MPRIP: variants seen among roughly 807,000 people sequenced by gnomAD.
MPRIP encodes myosin phosphatase Rho interacting protein, also known as myosin phosphatase Rho-interacting protein.
MPRIP carries 59 observed loss-of-function variants against 234.9 expected under a neutral mutation model. The ratio of observed to expected loss-of-function variants is 0.25; its 90% CI spans 0.20 to 0.31. The LOEUF (loss-of-function observed/expected upper bound fraction) is 0.31, where lower values mean the gene tolerates loss of function less well. Among genes scored for constraint, MPRIP ranks in the 10% least tolerant of loss-of-function variants. The pLI, the probability that MPRIP is intolerant of heterozygous loss-of-function variation, is 1.00. For missense variants in MPRIP, 2,436 were observed against 3,071.0 expected (o/e 0.79, Z 4.89); for synonymous variants, 1,144 against 1,263.9 (o/e 0.91, Z 2.01).
intron 15 of MPRIP, among the ~76,000 whole-genome samples, chr17:17,163,463 G>A (rs1269929094): frequency 6.6e-6 from 1 of 152,058 alleles, no homozygotes; most frequent in Non-Finnish European, 1.5e-5. Flanking sequence ...TGTTTGTTTT[G>A]TTGATTATTG....
intron 3 of MPRIP, among the ~76,000 whole-genome samples, chr17:17,121,272 G>A (rs2090383350): frequency 6.6e-6 from 1 of 152,216 alleles, no homozygotes; most frequent in South Asian, 2.1e-4. Context: ...TTGCTGCGAA[G>A]CCATAAACCT....
In MPRIP at chr17:17,142,729, G is replaced by A. The variant is rs372125214; in HGVS notation, c.1353G>A (p.Gln451=). Reference sequence around the variant, plus strand: ...CCTCACCATCCAGCGACACACGCCAGGGCCGCAGCGAGAAGAGGGCGTTCC... The same window carrying A: ...CCTCACCATCCAGCGACACACGCCAAGGCCGCAGCGAGAAGAGGGCGTTCC... ...VGPSPSSDTR[Q]GRSEKRAFPR... Residue 451 remains glutamine (Q), a synonymous_variant, in exon 8 of 24, where the codon CAG becomes CAA. Coordinates refer to ENST00000651222, the MANE Select transcript of MPRIP (RefSeq NM_001364716.4). 13 of 1,612,630 alleles carry A rather than the reference G, an allele frequency of 8.1e-6. No individual in the cohort carries two copies. In the African/African-American group the frequency reaches 1.5e-4, roughly 18 times the overall value.
intron 5 of MPRIP, among the ~76,000 whole-genome samples, chr17:17,134,615 C>G (rs1470438891): frequency 6.6e-6 from 1 of 152,186 alleles, no homozygotes; most frequent in Non-Finnish European, 1.5e-5. Flanking sequence ...TGCTTTTATC[C>G]TGTCCGTGAG....
chr17:17,147,460 C>G (rs943987088), intron 11 of MPRIP, 73 bp downstream of exon 11: 16 of 1,379,280 alleles, frequency 1.2e-5, no homozygotes, highest in Non-Finnish European at 1.7e-5. Context: ...GCTAGTAGAT[C>G]TGCTTCCCCC....
At position 17,192,565 on chromosome 17, in the gene MPRIP, T is replaced by C. The variant is rs1427601826; in HGVS notation, c.*7671T>C. On this transcript the variant is annotated 3_prime_UTR_variant, in exon 24 of 24. Coordinates refer to ENST00000651222, the MANE Select transcript of MPRIP (RefSeq NM_001364716.4). ...TGTGTGACATGCTAGATTCCCTGGA[T>C]GTAGCTGATCATTTTTATTTTGTAA... The C allele has an allele frequency of 2.0e-5, 3 of 152,116 alleles. No homozygotes were observed. Among genetic ancestry groups the C allele is most frequent in the African/African-American group, 4.8e-5 (2 of 41,424 alleles). 9.4% of individuals were successfully genotyped at this position (152,116 alleles called of 1,614,324 possible).
At chr17:17,094,336 T>C (rs2089789960) in intron 3 of MPRIP, among the ~76,000 whole-genome samples, 2 of 152,212 alleles carry the variant, frequency 1.3e-5, no homozygotes, top group Non-Finnish European at 2.9e-5. Flanking sequence ...TTTTTAACTT[T>C]ATCATTGGTA....
intron 2 of MPRIP, among the ~76,000 whole-genome samples, chr17:17,076,902 G>A (rs1001737277): frequency 6.7e-6 from 1 of 148,982 alleles, no homozygotes; most frequent in African/African-American, 2.5e-5. Flanking sequence ...TGGCCTCACT[G>A]CCAGTTAAAC....
At position 17,167,579 on chromosome 17, in the gene MPRIP, G is replaced by T; in HGVS notation, c.5988G>T (p.Gln1996His). The T allele has an allele frequency of 7.7e-7, 1 of 1,304,272 alleles. No homozygotes were observed. Among genetic ancestry groups the T allele is most frequent in the Non-Finnish European group, 1.0e-6 (1 of 988,954 alleles). 80.8% of individuals were successfully genotyped at this position (1,304,272 alleles called of 1,614,324 possible). ...AGAGGCATCATGGTGAGCAGATACAGACCCTGGAGGACAGGTTCCAGCTCA... is the reference window on the plus strand; with the variant it reads ...AGAGGCATCATGGTGAGCAGATACATACCCTGGAGGACAGGTTCCAGCTCA... ...DMERHHGEQI[Q>H]TLEDRFQLKV... is the part of the protein sequence containing the mutation. Residue 1996 changes from glutamine to histidine, a missense_variant, in exon 16 of 24, where the codon CAG (glutamine) becomes CAT (histidine). By Grantham distance (24) the Gln-to-His change is conservative. This residue lies in a region of MPRIP where 1,998 missense variants were observed against 2,520.3 expected (regional missense o/e 0.79). Transcript: ENST00000651222. This position sits in a 1 kb window ranked among gnomAD's most constrained non-coding sequence, Gnocchi z 5.9.
chr17:17,076,371 G>C (rs1262672501), intron 2 of MPRIP: 1 of 152,386 alleles, frequency 6.6e-6, no homozygotes, highest in Non-Finnish European at 1.5e-5. Flanking sequence ...TTACAGTGCT[G>C]CCGCTTGCAC....
intron 3 of MPRIP, among the ~76,000 whole-genome samples, chr17:17,118,531 T>G (rs756580971): frequency 6.6e-6 from 1 of 152,182 alleles, no homozygotes; most frequent in Non-Finnish European, 1.5e-5. Flanking sequence ...GGCTGTTCCA[T>G]GCAGCTTCAG....
intron 1 of MPRIP, among the ~76,000 whole-genome samples, chr17:17,066,086 A>G (rs971856831): frequency 6.6e-6 from 1 of 152,140 alleles, no homozygotes; most frequent in South Asian, 2.1e-4. Flanking sequence ...GTCATCTGTG[A>G]ATATTTTATT....
intron 3 of MPRIP, among the ~76,000 whole-genome samples, chr17:17,118,310 T>C (rs1260784226): frequency 2.6e-5 from 4 of 152,200 alleles, no homozygotes; most frequent in Admixed American, 6.5e-5. Context: ...GGGTGTAGAA[T>C]GGGCATCCAA....
chr17:17,067,715 G>A (rs550297361), intron 1 of MPRIP, among the ~76,000 whole-genome samples: 1 of 144,172 alleles, frequency 6.9e-6, no homozygotes, highest in East Asian at 2.1e-4. Context: ...CATGTAATTT[G>A]TTTGGTTTTG....
At chr17:17,137,180 G>A (rs753815163) in intron 6 of MPRIP, among the ~76,000 whole-genome samples, 15 of 152,246 alleles carry the variant, frequency 9.9e-5, no homozygotes, top group Non-Finnish European at 1.9e-4. Flanking sequence ...TCTCACTTCT[G>A]TAGAAGTCCC....
chr17:17,107,896 A>G (rs1597814718), intron 3 of MPRIP, among the ~76,000 whole-genome samples: 2 of 152,160 alleles, frequency 1.3e-5, no homozygotes, highest in Admixed American at 1.3e-4. Context: ...AGGAAGGTGC[A>G]TGTGTGAGAA....
chr17:17,059,813 G>A (rs2088817911), intron 1 of MPRIP, among the ~76,000 whole-genome samples: 2 of 152,222 alleles, frequency 1.3e-5, no homozygotes, highest in Non-Finnish European at 2.9e-5. Flanking sequence ...TGGCCCAGTT[G>A]GGAGGTGAGC....
chr17:17,131,762 A>G, intron 5 of MPRIP, 61 bp downstream of exon 5: 1 of 1,485,540 alleles, frequency 6.7e-7, no homozygotes, highest in Non-Finnish European at 9.4e-7. Flanking sequence ...GGAAGAAGTG[A>G]GGGCTCCCTG....
intron 3 of MPRIP, among the ~76,000 whole-genome samples, chr17:17,098,691 G>C (rs2089900413): frequency 6.6e-6 from 1 of 152,192 alleles, no homozygotes; most frequent in East Asian, 1.9e-4. Flanking sequence ...TGGGTCCCCG[G>C]TGGGAAAGAA....
chr17:17,045,620 C>G (rs1235528382), intron 1 of MPRIP, among the ~76,000 whole-genome samples: 1 of 152,142 alleles, frequency 6.6e-6, no homozygotes, highest in Admixed American at 6.5e-5. Flanking sequence ...GCAGGAGGTG[C>G]CTTGAGAATG....
Sources: allele counts gnomAD v4.1 joint callset (sites outside exome capture counted in the v4.1 genomes callset), GRCh38; gene constraint gnomAD v4.1.1; regional missense constraint gnomAD v4.1.1; non-coding constraint Gnocchi (gnomAD v3.1); transcripts MANE v1.5; gene names NCBI Gene and HGNC (gene_info 2026-07-23, HGNC 2026-07-21).